TENM3: variants seen among roughly 807,000 people sequenced by gnomAD.
TENM3 encodes the protein teneurin-3.
In TENM3, 63 loss-of-function variants were observed where a neutral mutation model predicts 255.1. The observed-to-expected ratio is 0.25, with a 90% confidence interval of 0.20 to 0.30. TENM3 has a LOEUF of 0.30. Ranked by LOEUF, TENM3 falls within the 10% of genes least tolerant of loss-of-function variation. The pLI, the probability that TENM3 is intolerant of heterozygous loss-of-function variation, is 1.00. For synonymous variants in TENM3, 1,306 were observed against 1,322.3 expected, an observed-to-expected ratio of 0.99 and a Z score of 0.27; for missense variants, 2,929 against 3,461.1, an observed-to-expected ratio of 0.85 and a Z score of 3.86.
At chr4:181,565,802 C>T in the TENM3 span, among the ~76,000 whole-genome samples, 1 of 152,040 alleles carries the variant, frequency 6.6e-6, no homozygotes, top group South Asian at 2.1e-4. Context: ...TACAAAAATC[C>T]ATGATGTTAG....
At chr4:182,230,858 C>A (rs868053067) in intron 1 of TENM3, among the ~76,000 whole-genome samples, 3 of 62,710 alleles carry the variant, frequency 4.8e-5, no homozygotes, top group South Asian at 6.3e-4. Flanking sequence ...ATATATATAT[C>A]CCCCTTCTAC....
At chr4:181,913,750 G>T in the TENM3 span, among the ~76,000 whole-genome samples, 1 of 152,150 alleles carries the variant, frequency 6.6e-6, no homozygotes, top group Non-Finnish European at 1.5e-5. Context: ...AAAGAACAGG[G>T]AAGCTGAACA....
chr4:182,481,462 T>C (rs949307012), intron 3 of TENM3, among the ~76,000 whole-genome samples: 1 of 148,714 alleles, frequency 6.7e-6, no homozygotes, highest in African/African-American at 2.4e-5. Context: ...ACCTTTACAC[T>C]TACGTTGAGA....
chr4:182,147,032 A>G (rs985330033), intron 1 of TENM3, among the ~76,000 whole-genome samples: 1 of 152,192 alleles, frequency 6.6e-6, no homozygotes, highest in Non-Finnish European at 1.5e-5. Context: ...TTTGAATAGA[A>G]AAAAGCTCCT....
intron 5 of TENM3, among the ~76,000 whole-genome samples, chr4:182,645,915 C>A: frequency 6.6e-6 from 1 of 152,238 alleles, no homozygotes; most frequent in Middle Eastern, 3.4e-3. Flanking sequence ...GATACAAGGG[C>A]GTGAATACCA....
the TENM3 span, among the ~76,000 whole-genome samples, chr4:181,805,482 G>A: frequency 4.6e-5 from 7 of 152,198 alleles, no homozygotes; most frequent in African/African-American, 1.4e-4. Context: ...CATGTCCTCA[G>A]GGAAGAATTT....
the TENM3 span, among the ~76,000 whole-genome samples, chr4:182,049,618 A>T: frequency 6.6e-6 from 1 of 152,210 alleles, no homozygotes; most frequent in Non-Finnish European, 1.5e-5. Flanking sequence ...ATGGATTTTT[A>T]AAATCACAAT....
the TENM3 span, among the ~76,000 whole-genome samples, chr4:182,033,918 C>A: frequency 6.6e-6 from 1 of 152,134 alleles, no homozygotes; most frequent in African/African-American, 2.4e-5. Flanking sequence ...TTCTTTTAAG[C>A]CTATATGTGT....
At chr4:182,233,485 T>C (rs778616199) in intron 1 of TENM3, among the ~76,000 whole-genome samples, 70 of 152,376 alleles carry the variant, frequency 4.6e-4, no homozygotes, top group Admixed American at 9.1e-4. Flanking sequence ...TGTTCGTAAG[T>C]TGTGGCTTGC....
At chr4:182,208,194 A>G (rs1291250713) in intron 1 of TENM3, among the ~76,000 whole-genome samples, 1 of 152,256 alleles carries the variant, frequency 6.6e-6, no homozygotes, top group Admixed American at 6.5e-5. Flanking sequence ...TGTGAGAAGT[A>G]AAAGAACTTG....
At chr4:181,696,329 C>T in the TENM3 span, among the ~76,000 whole-genome samples, 1 of 152,130 alleles carries the variant, frequency 6.6e-6, no homozygotes, top group Admixed American at 6.5e-5. Flanking sequence ...TCTCTCCCCT[C>T]TCCCTCATCA....
chr4:181,990,061 T>C, the TENM3 span, among the ~76,000 whole-genome samples: 2 of 152,136 alleles, frequency 1.3e-5, no homozygotes, highest in South Asian at 4.1e-4. Flanking sequence ...ATTACACATA[T>C]AAATATCTCA....
the TENM3 span, among the ~76,000 whole-genome samples, chr4:181,949,026 G>A: frequency 6.6e-6 from 1 of 152,042 alleles, no homozygotes; most frequent in Non-Finnish European, 1.5e-5. Flanking sequence ...AGTACAAAGG[G>A]GAGGCTAGAC....
chr4:182,291,939 C>T (rs1275938706), intron 1 of TENM3, among the ~76,000 whole-genome samples: 1 of 152,130 alleles, frequency 6.6e-6, no homozygotes, highest in Non-Finnish European at 1.5e-5. Flanking sequence ...TTCTATTATT[C>T]AGCCCTAGAA....
At chr4:182,533,731 T>C (rs1262415527) in intron 3 of TENM3, among the ~76,000 whole-genome samples, 2 of 151,818 alleles carry the variant, frequency 1.3e-5, no homozygotes, top group African/African-American at 2.4e-5. Context: ...CTGGCCAAGA[T>C]AGTGAAACCC....
intron 3 of TENM3, among the ~76,000 whole-genome samples, chr4:182,560,685 TCCAGTTCCCATGGGA>T (rs1015484080): frequency 6.6e-6 from 1 of 152,166 alleles, no homozygotes; most frequent in African/African-American, 2.4e-5. Flanking sequence ...ATGCTGCTTC[TCCAGTTCCCATGGGA>T]TAGCACCACG....
chr4:182,709,060 G>A (rs2152665289), intron 12 of TENM3, among the ~76,000 whole-genome samples: 2 of 152,054 alleles, frequency 1.3e-5, no homozygotes, highest in South Asian at 4.2e-4. Flanking sequence ...TCACCTCACT[G>A]CAACCTCTGC....
At chr4:182,681,345 T>C (rs1427469715) in intron 10 of TENM3, among the ~76,000 whole-genome samples, 1 of 152,208 alleles carries the variant, frequency 6.6e-6, no homozygotes, top group African/African-American at 2.4e-5. Context: ...AGTGTAAAGT[T>C]TTATTGAGTC....
intron 3 of TENM3, among the ~76,000 whole-genome samples, chr4:182,454,796 G>A: frequency 6.6e-6 from 1 of 152,074 alleles, no homozygotes; most frequent in East Asian, 1.9e-4. Flanking sequence ...AACAAGTATT[G>A]TTCAATAAGA....
Sources: gnomAD v4.1 joint callset for allele counts (sites outside exome capture counted in the v4.1 genomes callset) on GRCh38, gnomAD v4.1.1 for gene constraint, MANE v1.5 for transcripts, NCBI Gene and HGNC (gene_info 2026-07-23, HGNC 2026-07-21) for gene names.